PPHLN1: variants seen among roughly 807,000 people sequenced by gnomAD.
PPHLN1 encodes periphilin 1, also known as periphilin-1.
PPHLN1 carries 29 observed loss-of-function variants against 51.3 expected under a neutral mutation model. That is an observed-to-expected ratio of 0.57 (90% confidence interval 0.42 to 0.77). The LOEUF (loss-of-function observed/expected upper bound fraction) is 0.77. Ranked by LOEUF, PPHLN1 falls within the 30% of genes least tolerant of loss-of-function variation. The pLI is 0.00. For synonymous variants in PPHLN1, 147 were observed against 147.8 expected, an observed-to-expected ratio of 0.99 and a Z score of 0.04; for missense variants, 436 against 438.4, an observed-to-expected ratio of 0.99 and a Z score of 0.05.
intron 4 of PPHLN1, among the ~76,000 whole-genome samples, chr12:42,366,224 C>CTTTTT (rs34689856): frequency 4.5e-5 from 5 of 111,182 alleles, no homozygotes; most frequent in Non-Finnish European, 5.3e-5. Flanking sequence ...GTACCGGACA[C>CTTTTT]TTTTTTTTTT....
At position 42,441,486 on chromosome 12, in the gene PPHLN1, C is replaced by G; in HGVS notation, c.1081C>G (p.Gln361Glu). ...HFIAEYDTST[Q>E]DFGEPF ...CATTGCAGAGTATGATACTTCCACT[C>G]AAGATTTTGGAGAGCCTTTTTAGAT... The change falls in exon 10 of 10, where the codon CAA (glutamine) becomes GAA (glutamate). Residue 361 changes from glutamine to glutamate, a missense_variant. Gln to Glu is a conservative substitution (Grantham distance 29). Coordinates refer to ENST00000358314, the MANE Select transcript of PPHLN1 (RefSeq NM_201439.2). The G allele has an allele frequency of 6.3e-7, 1 of 1,587,252 alleles. No homozygotes were observed. Among genetic ancestry groups the G allele is most frequent in the Non-Finnish European group, 8.6e-7 (1 of 1,167,506 alleles).
chr12:42,410,749 G>A (rs1426126445), intron 9 of PPHLN1, among the ~76,000 whole-genome samples: 27 of 152,182 alleles, frequency 1.8e-4, no homozygotes, highest in Non-Finnish European at 1.5e-5. Context: ...CAGCCAGCCA[G>A]GCTGTAATGG....
rs758978590 is a variant in PPHLN1 at position 42,441,306 on chromosome 12, AC to A, written c.910-7del. 39 of 1,602,832 alleles carry A rather than the reference AC, an allele frequency of 2.4e-5. No homozygotes were observed. Among genetic ancestry groups the A allele is most frequent in the Non-Finnish European group, 3.2e-5 (38 of 1,173,560 alleles). On this transcript the variant is annotated splice_polypyrimidine_tract_variant and splice_region_variant and intron_variant, in intron 9 of 9. Transcript: ENST00000358314. ...TTCTCAGCTAACCAGAATGTGTTTT[AC>A]CTTTTAGGTTTACCGACAAGACTGT...
intron 9 of PPHLN1, among the ~76,000 whole-genome samples, chr12:42,414,706 T>C (rs754456405): frequency 2.0e-5 from 3 of 152,206 alleles, no homozygotes; most frequent in South Asian, 4.1e-4. Context: ...TCTAGGTATA[T>C]AGTCATCGTT....
rs531105125 is a variant in PPHLN1 at position 42,422,348 on chromosome 12, C to T, written c.910-18967C>T. Reference sequence around the variant, plus strand: ...AGAAGAATGGTTTAATGCCTTTTTCCAGGATGTGTTTATATGAAAAATTTC... The same window carrying T: ...AGAAGAATGGTTTAATGCCTTTTTCTAGGATGTGTTTATATGAAAAATTTC... On this transcript the variant is annotated intron_variant, in intron 9 of 9. Transcript: ENST00000358314. Among the ~76,000 whole-genome samples, 24 of 152,158 alleles carry T rather than the reference C, an allele frequency of 1.6e-4. No homozygotes were observed. The South Asian group carries it at 4.6e-3, about 29-fold the overall frequency.
chr12:42,407,194 T>G (rs983078434), intron 9 of PPHLN1, among the ~76,000 whole-genome samples: 1 of 152,232 alleles, frequency 6.6e-6, no homozygotes, highest in African/African-American at 2.4e-5. Flanking sequence ...GTAGAAATTT[T>G]AGAGTCAGTT....
In PPHLN1 at chr12:42,441,604, G is replaced by T; in HGVS notation, c.*95G>T. ...CCTTAATATATGGAATTTTTGTGAT[G>T]CAGAGAAATACTTTATGATAGTTGA... On this transcript the variant is annotated 3_prime_UTR_variant, in exon 10 of 10. Transcript: ENST00000358314. 1 of 1,365,312 alleles carries T rather than the reference G, an allele frequency of 7.3e-7. No homozygotes were observed. The highest frequency in any genetic ancestry group is 9.5e-7 in the Non-Finnish European group (1 of 1,051,610). 84.6% of individuals were successfully genotyped at this position (1,365,312 alleles called of 1,614,324 possible).
chr12:42,405,495 A>C (rs910383321), intron 9 of PPHLN1, among the ~76,000 whole-genome samples: 1 of 152,224 alleles, frequency 6.6e-6, no homozygotes, highest in Non-Finnish European at 1.5e-5. Flanking sequence ...AAGTGAATTG[A>C]TGATTGTCTA....
intron 1 of PPHLN1, chr12:42,331,813 G>C (rs535769867): frequency 6.6e-6 from 1 of 152,314 alleles, no homozygotes; most frequent in African/African-American, 2.4e-5. Context: ...CATCGAAACT[G>C]CACTGATATG....
chr12:42,377,341 C>G (rs2076363139), intron 5 of PPHLN1, among the ~76,000 whole-genome samples: 2 of 131,060 alleles, frequency 1.5e-5, no homozygotes, highest in South Asian at 2.3e-4. Context: ...GAGTCTTGCT[C>G]TGTCACCCAG....
At chr12:42,401,858 ATTTG>A (rs1292509810) in intron 9 of PPHLN1, among the ~76,000 whole-genome samples, 4 of 151,644 alleles carry the variant, frequency 2.6e-5, no homozygotes, top group Non-Finnish European at 5.9e-5. Context: ...TTGTTTGTTT[ATTTG>A]TTTGTTTTTT....
At chr12:42,419,301 G>T (rs1459050512) in intron 9 of PPHLN1, among the ~76,000 whole-genome samples, 1 of 152,174 alleles carries the variant, frequency 6.6e-6, no homozygotes, top group East Asian at 1.9e-4. Context: ...GAGTGAAGTG[G>T]TGTGATCTCG....
chr12:42,390,952 C>A (rs185310665), intron 7 of PPHLN1, among the ~76,000 whole-genome samples: 166 of 152,048 alleles, frequency 1.1e-3, no homozygotes, highest in African/African-American at 4.0e-3. Flanking sequence ...AGGCGTGAGC[C>A]ACTGTGCCTA....
At chr12:42,437,738 G>C (rs1231354888) in intron 9 of PPHLN1, among the ~76,000 whole-genome samples, 3 of 152,134 alleles carry the variant, frequency 2.0e-5, no homozygotes, top group African/African-American at 7.2e-5. Context: ...CTACAGTTCT[G>C]TGAATTTTGA....
At chr12:42,347,658 T>C (rs1288333097) in intron 2 of PPHLN1, among the ~76,000 whole-genome samples, 1 of 152,146 alleles carries the variant, frequency 6.6e-6, no homozygotes, top group Non-Finnish European at 1.5e-5. Context: ...CATGCACCTG[T>C]AATCCCAACT....
At position 42,383,132 on chromosome 12, in the gene PPHLN1, T is replaced by C. The variant is rs1772281343; in HGVS notation, c.512-1808T>C. Among the ~76,000 whole-genome samples, 7 of 152,340 alleles carry C rather than the reference T, an allele frequency of 4.6e-5. No homozygotes were observed. In the South Asian group the frequency reaches 1.4e-3, roughly 32 times the overall value. ...ATACTAATGGGAATCTGTAATTATA[T>C]GTGGTAATACCTACAGTGTCTCTGA... On this transcript the variant is annotated intron_variant, in intron 5 of 9. Coordinates refer to ENST00000358314, the MANE Select transcript of PPHLN1 (RefSeq NM_201439.2).
Position 42,441,518 on chromosome 12 carries a change from G to A in PPHLN1, c.*9G>A. ...TTGGAGAGCCTTTTTAGATTTTTCTGCTCAGGCTAAAAAAAAAAAAAAACA... is the reference window on the plus strand; with the variant it reads ...TTGGAGAGCCTTTTTAGATTTTTCTACTCAGGCTAAAAAAAAAAAAAAACA... On this transcript the variant is annotated 3_prime_UTR_variant, in exon 10 of 10. Transcript: ENST00000358314. 1 of 1,534,118 alleles carries A rather than the reference G, an allele frequency of 6.5e-7. No individual in the cohort carries two copies.
At chr12:42,425,283 A>T (rs1386928771) in intron 9 of PPHLN1, among the ~76,000 whole-genome samples, 1 of 143,110 alleles carries the variant, frequency 7.0e-6, no homozygotes, top group Non-Finnish European at 1.5e-5. Context: ...TAGTAGAGAC[A>T]GGGTTTCACC....
At chr12:42,341,872 T>C (rs1298731175) in intron 2 of PPHLN1, among the ~76,000 whole-genome samples, 2 of 152,060 alleles carry the variant, frequency 1.3e-5, no homozygotes, top group African/African-American at 2.4e-5. Flanking sequence ...CCGCCTGCCT[T>C]GGCCTCCCAA....
Sources: allele counts gnomAD v4.1 joint callset (sites outside exome capture counted in the v4.1 genomes callset), GRCh38; gene constraint gnomAD v4.1.1; transcripts MANE v1.5; gene names NCBI Gene and HGNC (gene_info 2026-07-23, HGNC 2026-07-21).